Variants in CAMKMT observed in about 807,000 individuals in gnomAD.
The protein encoded by CAMKMT is calmodulin-lysine N-methyltransferase, also known as CaM KMT.
CAMKMT carries 53 observed loss-of-function variants against 48.0 expected under a neutral mutation model. The observed-to-expected ratio is 1.10, with a 90% CI of 0.89 to 1.39. CAMKMT has a LOEUF of 1.39. Ranked by LOEUF, CAMKMT falls within the 40% of genes most tolerant of loss-of-function variation. The pLI, the probability that CAMKMT is intolerant of heterozygous loss-of-function variation, is 0.00. For synonymous variants in CAMKMT, 165 were observed against 152.3 expected, an observed-to-expected ratio of 1.08 and a Z score of -0.61; for missense variants, 428 against 402.7, an observed-to-expected ratio of 1.06 and a Z score of -0.54.
chr2:44,501,520 GCCTATCT>G (rs2104742204), intron 3 of CAMKMT, among the ~76,000 whole-genome samples: 1 of 152,270 alleles, frequency 6.6e-6, no homozygotes, highest in South Asian at 2.1e-4. Flanking sequence ...AATTTAAGTT[GCCTATCT>G]CCTATCTCCT....
chr2:44,756,050 A>G (rs1680363855), intron 9 of CAMKMT, among the ~76,000 whole-genome samples: 1 of 152,212 alleles, frequency 6.6e-6, no homozygotes, highest in South Asian at 2.1e-4. Flanking sequence ...CCAGTTGTGG[A>G]TGGCACATGG....
intron 3 of CAMKMT, among the ~76,000 whole-genome samples, chr2:44,557,925 TA>T (rs1668102150): frequency 6.6e-6 from 1 of 152,234 alleles, no homozygotes; most frequent in Admixed American, 6.5e-5. Flanking sequence ...TCAGTCAGTT[TA>T]AAATATCTGT....
At chr2:44,539,039 C>G (rs1666944698) in intron 3 of CAMKMT, among the ~76,000 whole-genome samples, 1 of 150,944 alleles carries the variant, frequency 6.6e-6, no homozygotes, top group Admixed American at 6.6e-5. Context: ...CGCAGTGGCT[C>G]ACGCCTGTAA....
rs575211007 is a variant in CAMKMT at position 44,480,832 on chromosome 2, A to T, written c.376+90527A>T. ...GAACTAATCTAAAGCTGTGAAATGA[A>T]TACATTATTTCAAATTAAAACATAC... On this transcript the variant is annotated intron_variant, in intron 3 of 10. Transcript: ENST00000378494. Among the ~76,000 whole-genome samples the T allele has an allele frequency of 3.5e-3, 528 of 152,242 alleles. 3 individuals carry two copies. The highest frequency in any genetic ancestry group is 0.012 in the African/African-American group (514 of 41,558).
At chr2:44,382,038 T>C (rs1680301678) in intron 2 of CAMKMT, among the ~76,000 whole-genome samples, 1 of 147,626 alleles carries the variant, frequency 6.8e-6, no homozygotes, top group African/African-American at 2.5e-5. Context: ...GTCTCCTGGG[T>C]TCAAGCGATT....
intron 3 of CAMKMT, among the ~76,000 whole-genome samples, chr2:44,582,987 T>A (rs901875672): frequency 2.0e-5 from 3 of 152,210 alleles, no homozygotes; most frequent in African/African-American, 4.8e-5. Context: ...ACAAAAATGA[T>A]GATCTTTTTT....
intron 3 of CAMKMT, among the ~76,000 whole-genome samples, chr2:44,537,709 A>G (rs777140556): frequency 3.9e-5 from 6 of 152,154 alleles, no homozygotes; most frequent in Non-Finnish European, 8.8e-5. Flanking sequence ...TACTACGGGC[A>G]TGTGCCAACA....
chr2:44,391,323 T>C (rs1681317032), intron 3 of CAMKMT, among the ~76,000 whole-genome samples: 1 of 152,144 alleles, frequency 6.6e-6, no homozygotes, highest in African/African-American at 2.4e-5. Context: ...TAAAATAATG[T>C]AGGTTTCTTT....
At chr2:44,438,171 G>A (rs912630523) in intron 3 of CAMKMT, among the ~76,000 whole-genome samples, 4 of 152,118 alleles carry the variant, frequency 2.6e-5, no homozygotes, top group African/African-American at 9.7e-5. Flanking sequence ...TGGGGAGCTG[G>A]GAGTTGAACT....
At chr2:44,684,772 A>T (rs1334267368) in intron 3 of CAMKMT, among the ~76,000 whole-genome samples, 1 of 152,160 alleles carries the variant, frequency 6.6e-6, no homozygotes, top group Non-Finnish European at 1.5e-5. Context: ...TCCCCAGAGG[A>T]TCTATCCTGT....
At position 44,365,569 on chromosome 2, in the gene CAMKMT, G is replaced by A. The variant is rs935653475; in HGVS notation, c.138+3424G>A. Among the ~76,000 whole-genome samples the A allele has an allele frequency of 2.0e-5, 3 of 152,288 alleles. No homozygotes were observed. In the South Asian group the frequency reaches 6.2e-4, roughly 32 times the overall value. ...TCATATCCATCCAGCTAGTAATCCAGAAGAAATAACTCTTTTCCCCAACAT... is the reference window on the plus strand; with the variant it reads ...TCATATCCATCCAGCTAGTAATCCAAAAGAAATAACTCTTTTCCCCAACAT... On this transcript the variant is annotated intron_variant, in intron 1 of 10. Coordinates refer to ENST00000378494, the MANE Select transcript of CAMKMT (RefSeq NM_024766.5).
chr2:44,652,204 A>G (rs1189116424), intron 3 of CAMKMT, among the ~76,000 whole-genome samples: 1 of 152,202 alleles, frequency 6.6e-6, no homozygotes. Flanking sequence ...CTTTCTAGTT[A>G]TGACTTAATA....
chr2:44,434,127 G>A (rs1684809064), intron 3 of CAMKMT, among the ~76,000 whole-genome samples: 1 of 152,142 alleles, frequency 6.6e-6, no homozygotes, highest in African/African-American at 2.4e-5. Flanking sequence ...GGTAACAGAA[G>A]GATGGTAGTC....
chr2:44,721,059 T>A (rs532763889), intron 7 of CAMKMT, among the ~76,000 whole-genome samples: 1 of 152,286 alleles, frequency 6.6e-6, no homozygotes, highest in South Asian at 2.1e-4. Context: ...TTTATCCTCT[T>A]GAGTTTTCCA....
chr2:44,770,371 G>T (rs1261025750), intron 10 of CAMKMT, among the ~76,000 whole-genome samples: 1 of 152,232 alleles, frequency 6.6e-6, no homozygotes, highest in Non-Finnish European at 1.5e-5. Flanking sequence ...CTCCACTTTG[G>T]CCTCCAGAGG....
intron 3 of CAMKMT, among the ~76,000 whole-genome samples, chr2:44,621,146 T>G (rs1462347904): frequency 6.6e-6 from 1 of 151,572 alleles, no homozygotes; most frequent in African/African-American, 2.4e-5. Context: ...TGGGCGCTTG[T>G]AGTCCCAGCT....
At chr2:44,531,135 T>C (rs1439034729) in intron 3 of CAMKMT, among the ~76,000 whole-genome samples, 1 of 152,130 alleles carries the variant, frequency 6.6e-6, no homozygotes, top group African/African-American at 2.4e-5. Flanking sequence ...TATACTGTTA[T>C]GTAGTTAATA....
At chr2:44,606,857 A>T (rs887171678) in intron 3 of CAMKMT, among the ~76,000 whole-genome samples, 1 of 147,666 alleles carries the variant, frequency 6.8e-6, no homozygotes, top group Non-Finnish European at 1.5e-5. Flanking sequence ...TCTATAGTTT[A>T]TCATTAAAAG....
At chr2:44,584,531 A>T (rs1030086761) in intron 3 of CAMKMT, among the ~76,000 whole-genome samples, 6 of 152,260 alleles carry the variant, frequency 3.9e-5, no homozygotes, top group African/African-American at 1.2e-4. Context: ...TGCTGAACTA[A>T]CAGGTAAAAC....
Sources: gnomAD v4.1 joint callset for allele counts (sites outside exome capture counted in the v4.1 genomes callset) on GRCh38, gnomAD v4.1.1 for gene constraint, MANE v1.5 for transcripts, NCBI Gene and HGNC (gene_info 2026-07-23, HGNC 2026-07-21) for gene names.